TBX18: variants seen among roughly 807,000 people sequenced by gnomAD.
TBX18 encodes the protein T-box transcription factor 18.
In TBX18, 21 loss-of-function variants were observed where a neutral mutation model predicts 55.0. The observed-to-expected ratio is 0.38, with a 90% CI of 0.27 to 0.55. The LOEUF is 0.55. Among genes scored for constraint, TBX18 ranks in the 20% least tolerant of loss-of-function variants. TBX18 has a pLI of 0.73. For synonymous variants in TBX18, 342 were observed against 326.1 expected (o/e 1.05, Z -0.53); for missense variants, 840 against 799.6 (o/e 1.05, Z -0.61).
rs753798713 is a variant in TBX18 at position 84,737,160 on chromosome 6, G to C, written c.1349C>G (p.Ala450Gly). Residue 450 changes from alanine to glycine, a missense_variant, in exon 8 of 8, where the codon GCC becomes GGC. Coordinates refer to ENST00000369663, the MANE Select transcript of TBX18 (RefSeq NM_001080508.3). Reference protein sequence around the residue: ...RLTNQAGETFAPPRTPSYVGV... With the variant: ...RLTNQAGETFGPPRTPSYVGV... Reference sequence around the variant, plus strand: ...CACATAGGAGGGAGTCCTGGGCGGGGCAAAGGTCTCACCAGCCTGGTTGGT... The same window carrying C: ...CACATAGGAGGGAGTCCTGGGCGGGCCAAAGGTCTCACCAGCCTGGTTGGT... The C allele has an allele frequency of 1.2e-5, 19 of 1,613,888 alleles. No individual in the cohort carries two copies. Among genetic ancestry groups the C allele is most frequent in the Non-Finnish European group, 1.6e-5 (19 of 1,179,914 alleles).
Position 84,737,351 on chromosome 6 carries a change from G to A in TBX18, c.1158C>T (p.His386=), listed in dbSNP as rs1303490621. 3.2e-6 allele frequency: 5 copies of A among 1,562,830 alleles called. No individual in the cohort carries two copies. The highest frequency in any genetic ancestry group is 1.9e-5 in the Admixed American group (1 of 52,182). The change falls in exon 8 of 8, where the codon CAC becomes CAT. Residue 386 remains histidine, a synonymous_variant. Coordinates refer to ENST00000369663, the MANE Select transcript of TBX18 (RefSeq NM_001080508.3). ...QGTGNGVPAT[H]PHLLSGSSCS... Reference sequence around the variant, plus strand: ...AAGAGGAGCCAGACAAAAGGTGAGGGTGAGTGGCAGGAACGCCATTCCCAG... The same window carrying A: ...AAGAGGAGCCAGACAAAAGGTGAGGATGAGTGGCAGGAACGCCATTCCCAG...
chr6:84,745,812 T>A (rs1480203249), intron 5 of TBX18, among the ~76,000 whole-genome samples: 1 of 152,170 alleles, frequency 6.6e-6, no homozygotes, highest in African/African-American at 2.4e-5. Context: ...TCATTTTTAT[T>A]ACTAACATAT....
intron 1 of TBX18, 112 bp downstream of exon 1, chr6:84,763,778 T>A: frequency 7.0e-7 from 1 of 1,418,506 alleles, no homozygotes; most frequent in Non-Finnish European, 9.1e-7. Flanking sequence ...AATGCGCTAG[T>A]GGCTGAGTGG....
At chr6:84,755,214 G>C (rs1302384370) in intron 4 of TBX18, among the ~76,000 whole-genome samples, 2 of 152,034 alleles carry the variant, frequency 1.3e-5, no homozygotes, top group Non-Finnish European at 2.9e-5. Flanking sequence ...GAAAGAACTA[G>C]AACTGTAAAA....
chr6:84,748,333 T>G (rs1746758309), intron 4 of TBX18, among the ~76,000 whole-genome samples: 1 of 152,196 alleles, frequency 6.6e-6, no homozygotes, highest in Admixed American at 6.5e-5. Context: ...CATGTGAACT[T>G]AATATCAAAT....
At chr6:84,751,191 G>A (rs1767338949) in intron 4 of TBX18, among the ~76,000 whole-genome samples, 1 of 152,204 alleles carries the variant, frequency 6.6e-6, no homozygotes, top group African/African-American at 2.4e-5. Flanking sequence ...GGACTGAGTT[G>A]TAATTAAAGA....
rs2015519 is a variant in TBX18 at position 84,744,064 on chromosome 6, C to T, written c.1004+197G>A. Among the ~76,000 whole-genome samples the T allele has an allele frequency of 0.58, 88,739 of 152,018 alleles. 26,327 individuals carry two copies. Among genetic ancestry groups the T allele is most frequent in the Non-Finnish European group, 0.64 (43,520 of 67,934 alleles). On this transcript the variant is annotated intron_variant, in intron 6 of 7. Coordinates refer to ENST00000369663, the MANE Select transcript of TBX18 (RefSeq NM_001080508.3). ...AGAGCTTCGATTTTCAGCTCAGCAG[C>T]GCACATGAACATTCACCTTAGGGTA...
intron 6 of TBX18, among the ~76,000 whole-genome samples, chr6:84,739,750 C>T (rs1255840918): frequency 6.6e-6 from 1 of 152,150 alleles, no homozygotes; most frequent in Non-Finnish European, 1.5e-5. Flanking sequence ...GGAATCCACC[C>T]CAGAGAGTCA....
rs1221739739 is a variant in TBX18 at position 84,735,936 on chromosome 6, T to C, written c.*749A>G. ...ATTCTTTAATGGTCTATTTGATATA[T>C]AAAATAAGCAAAAAATCGAAAATAC... On this transcript the variant is annotated 3_prime_UTR_variant, in exon 8 of 8. Transcript: ENST00000369663. 1 of 151,816 alleles carries C rather than the reference T, an allele frequency of 6.6e-6. No individual in the cohort carries two copies. Among genetic ancestry groups the C allele is most frequent in the African/African-American group, 2.4e-5 (1 of 41,336 alleles). The allele number at this position is 151,816 out of a possible 1,614,324, so 9.4% of individuals were successfully genotyped here.
At chr6:84,744,206 TA>T in intron 6 of TBX18, 54 bp downstream of exon 6, 1 of 1,440,546 alleles carries the variant, frequency 6.9e-7, no homozygotes, top group Non-Finnish European at 9.5e-7. Flanking sequence ...AGAAAATTCA[TA>T]ATAAAATATC....
Position 84,763,923 on chromosome 6 carries a change from G to C in TBX18, c.259C>G (p.Arg87Gly), listed in dbSNP as rs758247782. 2 of 1,566,052 alleles carry C rather than the reference G, an allele frequency of 1.3e-6. No homozygotes were observed. The highest frequency in any genetic ancestry group is 2.3e-5 in the South Asian group (2 of 86,104). Residue 87 changes from arginine (R) to glycine (G), a missense_variant, in exon 1 of 8, where the codon CGG (arginine) becomes GGG (glycine). By Grantham distance (125) the Arg-to-Gly change is moderately radical (BLOSUM62 -2). Coordinates refer to ENST00000369663, the MANE Select transcript of TBX18 (RefSeq NM_001080508.3). ...CCGCGCTCCAGGTCTGCGCCACTCC[G>C]AGCCGGCCCAGACGTCGCCCCAGCC... ...PPAGATSGPA[R>G]SGADLERGAA...
rs185055495 is a variant in TBX18, at chr6:84,746,186, G to C, written c.939+1734C>G. ...CATTGCACTTACTGTACCACAGAGG[G>C]TGGAAGAAAATATGCAAAGTGCACA... On this transcript the variant is annotated intron_variant, in intron 5 of 7. Transcript: ENST00000369663. Among the ~76,000 whole-genome samples, 179 of 152,092 alleles carry C rather than the reference G, an allele frequency of 1.2e-3. 4 individuals are homozygous for C. The highest frequency in any genetic ancestry group is 4.1e-4 in the South Asian group (2 of 4,822).
rs562286545 is a variant in TBX18 at position 84,764,119 on chromosome 6, C to G, written c.63G>C (p.Ser21=). ...SMLSLKAHAF[S]VEALIGAEKQ... ...TCTCGGCGCCGATCAGCGCCTCCACCGAGAAAGCGTGCGCCTTGAGGCTTA... is the reference window on the plus strand; with the variant it reads ...TCTCGGCGCCGATCAGCGCCTCCACGGAGAAAGCGTGCGCCTTGAGGCTTA... The change falls in exon 1 of 8, where the codon TCG becomes TCC. Residue 21 remains serine, a synonymous_variant. Coordinates refer to ENST00000369663, the MANE Select transcript of TBX18 (RefSeq NM_001080508.3). 2.9e-5 allele frequency: 46 copies of G among 1,584,292 alleles called. No individual in the cohort carries two copies. The highest frequency in any genetic ancestry group is 1.2e-4 in the Admixed American group (7 of 58,168).
intron 4 of TBX18, among the ~76,000 whole-genome samples, chr6:84,755,829 C>T (rs2127879230): frequency 6.6e-6 from 1 of 152,284 alleles, no homozygotes; most frequent in East Asian, 1.9e-4. Flanking sequence ...CCTGTCATCA[C>T]TATATTATTA....
Position 84,750,777 on chromosome 6 carries a change from G to A in TBX18, c.772-2690C>T, listed in dbSNP as rs140632477. ...TCTCAGCCTACAGAAGCAGTTAATT[G>A]AGCCCCACCTGGTGTCTCATTAGTT... is the stretch of plus-strand genomic sequence containing the variant. On this transcript the variant is annotated intron_variant, in intron 4 of 7. Transcript: ENST00000369663. 4.0e-3 allele frequency among the ~76,000 whole-genome samples: 603 copies of A among 152,168 alleles called. 3 individuals are homozygous for A. Among genetic ancestry groups the A allele is most frequent in the African/African-American group, 0.011 (454 of 41,488 alleles).
Position 84,733,490 on chromosome 6 carries a change from CTAAT to C in TBX18, c.*3191_*3194del, listed in dbSNP as rs1773857350. On this transcript the variant is annotated 3_prime_UTR_variant, in exon 8 of 8. Coordinates refer to ENST00000369663, the MANE Select transcript of TBX18 (RefSeq NM_001080508.3). ...AACAAAGGAATCTTTACAAACCTCT[CTAAT>C]TAGAGACAGCATCAGGGTAGGTAGC... 6.6e-6 allele frequency: 1 copy of C among 152,156 alleles called. No individual in the cohort carries two copies. Among genetic ancestry groups the C allele is most frequent in the Non-Finnish European group, 1.5e-5 (1 of 68,020 alleles). The allele number at this position is 152,156 out of a possible 1,614,324, so 9.4% of individuals were successfully genotyped here.
At chr6:84,760,141 G>A (rs113212100) in intron 3 of TBX18, 114 bp downstream of exon 3, 1 of 598,274 alleles carries the variant, frequency 1.7e-6, no homozygotes, top group African/African-American at 1.9e-5. Flanking sequence ...TATGGATCTG[G>A]AAATTCTACA....
Position 84,736,818 on chromosome 6 carries a change from G to A in TBX18, c.1691C>T (p.Thr564Met), listed in dbSNP as rs1416893079. ...CACAGGGGGCAACATCTGCCGATCC[G>A]TCATGGTCCCACTCGGTGAGGACCC... is the stretch of plus-strand genomic sequence containing the variant. ...FLGSSPSGTMTDRQMLPPVEG... is the reference protein window; with the variant it reads ...FLGSSPSGTMMDRQMLPPVEG... Residue 564 changes from threonine to methionine, a missense_variant, in exon 8 of 8, where the codon ACG becomes ATG. Thr to Met is a moderately conservative substitution (Grantham distance 81). Transcript: ENST00000369663. 19 of 1,614,136 alleles carry A rather than the reference G, an allele frequency of 1.2e-5. No individual in the cohort carries two copies. The highest frequency in any genetic ancestry group is 3.3e-5 in the Admixed American group (2 of 60,012).
intron 6 of TBX18, chr6:84,741,460 C>T (rs1767046548): frequency 6.6e-6 from 1 of 152,214 alleles, no homozygotes; most frequent in Non-Finnish European, 1.5e-5. Flanking sequence ...ATTCTCAGCA[C>T]ATAAATTCTC....
Sources: gnomAD v4.1 joint callset for allele counts (sites outside exome capture counted in the v4.1 genomes callset) on GRCh38, gnomAD v4.1.1 for gene constraint, MANE v1.5 for transcripts, NCBI Gene and HGNC (gene_info 2026-07-23, HGNC 2026-07-21) for gene names.